The following RABGAP1 variants were observed in gnomAD, a reference collection of about 807,000 sequenced individuals.
RABGAP1 encodes the protein RAB GTPase activating protein 1.
RABGAP1 carries 23 observed loss-of-function variants against 137.6 expected under a neutral mutation model. The ratio of observed to expected loss-of-function variants is 0.17; its 90% confidence interval spans 0.12 to 0.24. The LOEUF (loss-of-function observed/expected upper bound fraction) is 0.24. RABGAP1 is among the 10% of genes least tolerant of loss of function. The probability of loss-of-function intolerance (pLI) is 1.00; values close to 1 mark genes in which losing one functional copy is unlikely to be tolerated. For missense variants in RABGAP1, 906 were observed against 1,275.8 expected (o/e 0.71, Z 4.42); for synonymous variants, 451 against 450.7 (o/e 1.00, Z -0.01).
rs1334735899 is a variant in RABGAP1, at chr9:122,986,196, T to C, written c.386-19T>C. 1.2e-6 allele frequency: 2 copies of C among 1,603,070 alleles called. No individual in the cohort carries two copies. The highest frequency in any genetic ancestry group is 8.5e-7 in the Non-Finnish European group (1 of 1,170,850). ...ATCAAAGTGAAAGTAATCACTTCCT[T>C]ATTCATTGTTTCTTTCAGATTCTGA... On this transcript the variant is annotated intron_variant, in intron 3 of 25. Coordinates refer to ENST00000373647, the MANE Select transcript of RABGAP1 (RefSeq NM_012197.4).
chr9:123,029,752 A>T, intron 13 of RABGAP1: 4 of 616,204 alleles, frequency 6.5e-6, no homozygotes. Flanking sequence ...CTTGGGTGGC[A>T]TCGTGAAGCT....
intron 13 of RABGAP1, among the ~76,000 whole-genome samples, chr9:123,033,043 T>G (rs2032391845): frequency 6.6e-6 from 1 of 152,246 alleles, no homozygotes; most frequent in Non-Finnish European, 1.5e-5. Context: ...TTATCTGTGC[T>G]ATTTGTGTAG....
At chr9:123,093,359 T>G (rs181150673) in intron 21 of RABGAP1, among the ~76,000 whole-genome samples, 11 of 152,192 alleles carry the variant, frequency 7.2e-5, no homozygotes, top group African/African-American at 2.4e-4. Flanking sequence ...TGACTAGACC[T>G]GACACTGGTG....
chr9:123,065,424 G>C lies in RABGAP1; in HGVS notation c.1871G>C (p.Gly624Ala). The change falls in exon 14 of 26, where the codon GGA becomes GCA. Residue 624 changes from glycine (G) to alanine (A), a missense_variant. By Grantham distance (60) the Gly-to-Ala change is moderately conservative (BLOSUM62 0). Coordinates refer to ENST00000373647, the MANE Select transcript of RABGAP1 (RefSeq NM_012197.4). ...FPAHDYFKDTGGDGQDSLYKI... is the reference protein window; with the variant it reads ...FPAHDYFKDTAGDGQDSLYKI... The stretch of plus-strand genomic sequence containing the variant: ...GCCCATGACTACTTTAAGGACACAG[G>C]AGGAGATGGACAAGATTCCTTATAT... The C allele has an allele frequency of 3.1e-6, 5 of 1,611,856 alleles. No individual in the cohort carries two copies. The South Asian group carries it at 5.5e-5, about 18-fold the overall frequency.
intron 6 of RABGAP1, among the ~76,000 whole-genome samples, chr9:122,995,566 A>ATTTTTTT (rs34683455): frequency 1.4e-4 from 17 of 118,466 alleles, no homozygotes; most frequent in East Asian, 2.4e-4. Context: ...ATATCAAATG[A>ATTTTTTT]TTTTTTTTTT....
intron 19 of RABGAP1, among the ~76,000 whole-genome samples, chr9:123,081,669 C>T (rs1253477879): frequency 6.6e-6 from 1 of 152,130 alleles, no homozygotes; most frequent in Non-Finnish European, 1.5e-5. Context: ...TCTCGAACTC[C>T]TGGACTCAAG....
At chr9:122,955,764 T>C (rs922504374) in intron 1 of RABGAP1, among the ~76,000 whole-genome samples, 6 of 152,248 alleles carry the variant, frequency 3.9e-5, no homozygotes, top group Admixed American at 1.3e-4. Flanking sequence ...AGGGGAAAAT[T>C]GTGTTTGACA....
chr9:123,029,297 T>C (rs1293331266), intron 13 of RABGAP1: 1 of 576,998 alleles, frequency 1.7e-6, no homozygotes, highest in African/African-American at 1.9e-5. Context: ...AATATGTTAA[T>C]TAATCAATGT....
At chr9:123,061,438 T>G (rs1180750809) in intron 13 of RABGAP1, among the ~76,000 whole-genome samples, 4 of 152,186 alleles carry the variant, frequency 2.6e-5, no homozygotes, top group East Asian at 1.9e-4. Flanking sequence ...ATAAATAAAG[T>G]TTTGTTAGGA....
intron 13 of RABGAP1, among the ~76,000 whole-genome samples, chr9:123,050,020 C>T (rs1222963415): frequency 2.6e-5 from 4 of 152,210 alleles, no homozygotes; most frequent in Non-Finnish European, 5.9e-5. Context: ...TGGCCCTAGA[C>T]TTTGTGTTCT....
At chr9:122,998,341 G>A (rs1837146723) in intron 9 of RABGAP1, among the ~76,000 whole-genome samples, 1 of 152,082 alleles carries the variant, frequency 6.6e-6, no homozygotes, top group Admixed American at 6.6e-5. Context: ...TGATCTGCCT[G>A]CCTTGGTCTC....
At chr9:122,969,116 A>G (rs1835333091) in intron 2 of RABGAP1, among the ~76,000 whole-genome samples, 1 of 152,198 alleles carries the variant, frequency 6.6e-6, no homozygotes, top group Admixed American at 6.5e-5. Context: ...ATAATACCAT[A>G]TTTTTATTGT....
chr9:123,074,357 T>C lies in RABGAP1; in HGVS notation c.2182T>C (p.Phe728Leu). 1 of 1,613,482 alleles carries C rather than the reference T, an allele frequency of 6.2e-7. No individual in the cohort carries two copies. Among genetic ancestry groups the C allele is most frequent in the Non-Finnish European group, 8.5e-7 (1 of 1,179,480 alleles). Residue 728 changes from phenylalanine (F) to leucine (L), a missense_variant, in exon 17 of 26, where the codon TTT becomes CTT. Coordinates refer to ENST00000373647, the MANE Select transcript of RABGAP1 (RefSeq NM_012197.4). ...LEAHMYASQW[F>L]LTLFTAKFPL... ...AGCACACATGTATGCCTCCCAGTGG[T>C]TTCTTACTCTTTTCACTGCAAAATT... is the stretch of plus-strand genomic sequence containing the variant.
chr9:123,039,335 A>G (rs2032835105), intron 13 of RABGAP1, among the ~76,000 whole-genome samples: 2 of 152,182 alleles, frequency 1.3e-5, no homozygotes, highest in South Asian at 2.1e-4. Flanking sequence ...GGCAAGGGAC[A>G]GTGTCTCTTA....
Position 123,073,186 on chromosome 9 carries a change from C to G in RABGAP1, c.1984-366C>G, listed in dbSNP as rs369446299. ...ACCTACACTGTATATCAGCCTATTT[C>G]TGCTCAGCTCAAATTCTGTCCTTTC... On this transcript the variant is annotated intron_variant, in intron 15 of 25. Coordinates refer to ENST00000373647, the MANE Select transcript of RABGAP1 (RefSeq NM_012197.4). Among the ~76,000 whole-genome samples the G allele has an allele frequency of 5.9e-5, 9 of 152,328 alleles. No homozygotes were observed. The East Asian group carries it at 1.4e-3, about 23-fold the overall frequency.
At chr9:122,988,454 C>A (rs1485012912) in intron 4 of RABGAP1, among the ~76,000 whole-genome samples, 1 of 150,942 alleles carries the variant, frequency 6.6e-6, no homozygotes, top group Non-Finnish European at 1.5e-5. Flanking sequence ...TGAATGCTAT[C>A]CCTTTGATTT....
chr9:122,943,515 TGTA>T (rs1347212684), intron 1 of RABGAP1, among the ~76,000 whole-genome samples: 11 of 152,368 alleles, frequency 7.2e-5, no homozygotes, highest in South Asian at 2.1e-4. Context: ...TTATAAGAGT[TGTA>T]GTAATGTAGT....
intron 18 of RABGAP1, 47 bp downstream of exon 18, chr9:123,076,333 C>T (rs773052717): frequency 7.1e-6 from 11 of 1,557,104 alleles, no homozygotes; most frequent in Non-Finnish European, 9.7e-6. Context: ...CCCTGCTCTG[C>T]ACTTGCAATA....
intron 12 of RABGAP1, among the ~76,000 whole-genome samples, chr9:123,020,018 A>G (rs2031515882): frequency 6.7e-6 from 1 of 149,996 alleles, no homozygotes; most frequent in Non-Finnish European, 1.5e-5. Flanking sequence ...ATAGAGCTTC[A>G]TCTGTGATTT....
Sources: allele counts gnomAD v4.1 joint callset (sites outside exome capture counted in the v4.1 genomes callset), GRCh38; gene constraint gnomAD v4.1.1; transcripts MANE v1.5; gene names NCBI Gene and HGNC (gene_info 2026-07-23, HGNC 2026-07-21).